The following CSF1R variants were observed in gnomAD, a reference collection of about 807,000 sequenced individuals.
CSF1R encodes the protein macrophage colony-stimulating factor 1 receptor.
Under a neutral mutation model 110.0 loss-of-function variants are expected in CSF1R, and 40 were observed. The observed-to-expected ratio is 0.36, with a 90% CI of 0.28 to 0.47. The LOEUF (loss-of-function observed/expected upper bound fraction) is 0.47. CSF1R is among the 20% of genes least tolerant of loss of function. The probability of loss-of-function intolerance (pLI) is 0.99; values close to 1 mark genes in which losing one functional copy is unlikely to be tolerated. For synonymous variants in CSF1R, 523 were observed against 503.4 expected (o/e 1.04, Z -0.52); for missense variants, 1,052 against 1,253.0 (o/e 0.84, Z 2.42).
intron 6 of CSF1R, among the ~76,000 whole-genome samples, chr5:150,072,644 A>G (rs1221296613): frequency 6.6e-6 from 1 of 152,172 alleles, no homozygotes; most frequent in African/African-American, 2.4e-5. Flanking sequence ...GACCCCAAGA[A>G]CACAGTTCAC....
In CSF1R at chr5:150,061,495, C is replaced by T. The variant is rs1442029514; in HGVS notation, c.1854G>A (p.Leu618=). ...DAVLKVAVKM[L]KSTAHADEKE... ...TCATCCCCTCCCCTCACTCACACTT[C>T]AGCATCTTCACAGCCACCTTCAGGA... The change falls in exon 12 of 21, where the codon CTG becomes CTA. Residue 618 remains leucine (L), a synonymous_variant. Coordinates refer to ENST00000675795, the MANE Select transcript of CSF1R (RefSeq NM_001288705.3). The T allele has an allele frequency of 2.3e-6, 3 of 1,325,182 alleles. No homozygotes were observed. The highest frequency in any genetic ancestry group is 1.9e-5 in the Admixed American group (1 of 52,902). The allele number at this position is 1,325,182 out of a possible 1,614,324, so 82.1% of individuals were successfully genotyped here.
rs1216805584 is a variant in CSF1R, at chr5:150,053,296, G to A, written c.*773C>T. Reference sequence around the variant, plus strand: ...TGGCACAAAGAACCAGAGGCTGACTGCATTAATGCTGTTAGTTTAATGTGG... The same window carrying A: ...TGGCACAAAGAACCAGAGGCTGACTACATTAATGCTGTTAGTTTAATGTGG... On this transcript the variant is annotated 3_prime_UTR_variant, in exon 21 of 21. Coordinates refer to ENST00000675795, the MANE Select transcript of CSF1R (RefSeq NM_001288705.3). 2 of 232,368 alleles carry A rather than the reference G, an allele frequency of 8.6e-6. No individual in the cohort carries two copies. The highest frequency in any genetic ancestry group is 1.2e-4 in the East Asian group (2 of 16,466). The allele number at this position is 232,368 out of a possible 1,614,324, so 14.4% of individuals were successfully genotyped here. A position where few individuals can be genotyped will look rare whatever the true frequency, so the allele number is the denominator to read the frequency against.
chr5:150,067,866 G>T (rs1275566922), intron 10 of CSF1R, among the ~76,000 whole-genome samples: 4 of 152,106 alleles, frequency 2.6e-5, no homozygotes, highest in Non-Finnish European at 4.4e-5. Flanking sequence ...CTTTTTGTTT[G>T]TTTTTTGAGC....
chr5:150,078,916 C>G (rs1758404433), intron 3 of CSF1R, among the ~76,000 whole-genome samples: 1 of 152,206 alleles, frequency 6.6e-6, no homozygotes, highest in Admixed American at 6.5e-5. Flanking sequence ...CACTCCCCAG[C>G]TTGGTTTCTT....
rs74410938 is a variant in CSF1R, at chr5:150,080,531, A to G, written c.308-195T>C. On this transcript the variant is annotated intron_variant, in intron 2 of 20. Transcript: ENST00000675795. ...ACCTGGGCTCCAGTCTAGTCCCACT[A>G]TGTGAGGCTGTGTGACCTTGGATAA... 3.3e-4 allele frequency among the ~76,000 whole-genome samples: 50 copies of G among 152,306 alleles called. No individual in the cohort carries two copies. In the East Asian group the frequency reaches 7.1e-3, roughly 22 times the overall value.
chr5:150,106,876 C>A (rs370191577), intron 1 of CSF1R, among the ~76,000 whole-genome samples: 1 of 152,206 alleles, frequency 6.6e-6, no homozygotes, highest in Non-Finnish European at 1.5e-5. Flanking sequence ...TATAGTCTCT[C>A]GTGGCTCCCT....
At position 150,066,584 on chromosome 5, in the gene CSF1R, C is replaced by T. The variant is rs567740593; in HGVS notation, c.1626+1631G>A. ...ACAGTGTCAGAGCTGGACCTAGATCCGGAGGTATTGACCGGGGCTGCCCTC... is the reference window on the plus strand; with the variant it reads ...ACAGTGTCAGAGCTGGACCTAGATCTGGAGGTATTGACCGGGGCTGCCCTC... On this transcript the variant is annotated intron_variant, in intron 10 of 20. Coordinates refer to ENST00000675795, the MANE Select transcript of CSF1R (RefSeq NM_001288705.3). Among the ~76,000 whole-genome samples, 38 of 152,312 alleles carry T rather than the reference C, an allele frequency of 2.5e-4. 1 individual carries two copies. The highest frequency in any genetic ancestry group is 2.2e-3 in the Admixed American group (34 of 15,306).
rs749347714 is a variant in CSF1R, at chr5:150,054,138, G to T, written c.2850C>A (p.His950Gln). Residue 950 changes from histidine to glutamine, a missense_variant, in exon 21 of 21, where the codon CAC becomes CAA. Coordinates refer to ENST00000675795, the MANE Select transcript of CSF1R (RefSeq NM_001288705.3). The stretch of plus-strand genomic sequence containing the variant: ...TATCCCCTTGCTCGCAGCAGGTCAG[G>T]TGCTCACTAGAGCTCTCCTCCTCCA... ...SELEEESSSE[H>Q]LTCCEQGDIA... The T allele has an allele frequency of 5.6e-6, 9 of 1,613,786 alleles. No individual in the cohort carries two copies. The highest frequency in any genetic ancestry group is 2.2e-5 in the East Asian group (1 of 44,888).
intron 10 of CSF1R, among the ~76,000 whole-genome samples, chr5:150,063,477 G>A (rs1178944400): frequency 6.6e-6 from 1 of 152,028 alleles, no homozygotes; most frequent in Non-Finnish European, 1.5e-5. Context: ...CTCTCAAAGT[G>A]CTGGGATTAT....
chr5:150,100,290 C>CATTTTTTT (rs1759364042), intron 1 of CSF1R, among the ~76,000 whole-genome samples: 1 of 89,348 alleles, frequency 1.1e-5, no homozygotes, highest in Non-Finnish European at 2.1e-5. Flanking sequence ...ATTGGCTAAC[C>CATTTTTTT]TTTTTTTTTT....
In CSF1R at chr5:150,073,612, C is replaced by G. The variant is rs1010202400; in HGVS notation, c.890-119G>C. ...AGCAGCTATGTCACAGGTACATAGTCCCCACCACCCAAGACAGGTCCTCTG... is the reference window on the plus strand; with the variant it reads ...AGCAGCTATGTCACAGGTACATAGTGCCCACCACCCAAGACAGGTCCTCTG... On this transcript the variant is annotated intron_variant, in intron 5 of 20. Coordinates refer to ENST00000675795, the MANE Select transcript of CSF1R (RefSeq NM_001288705.3). 8.3e-6 allele frequency: 8 copies of G among 962,482 alleles called. No individual in the cohort carries two copies. The Admixed American group carries it at 1.8e-4, about 22-fold the overall frequency. 59.6% of individuals were successfully genotyped at this position (962,482 alleles called of 1,614,324 possible). A position where few individuals can be genotyped will look rare whatever the true frequency, so the allele number is the denominator to read the frequency against.
At chr5:150,102,449 C>T (rs371856836) in intron 1 of CSF1R, among the ~76,000 whole-genome samples, 3 of 151,962 alleles carry the variant, frequency 2.0e-5, no homozygotes, top group South Asian at 4.1e-4. Flanking sequence ...ATCCTTTGTC[C>T]GTTTTTTTGT....
chr5:150,100,308 TTTTTTC>T (rs1253115481), intron 1 of CSF1R, among the ~76,000 whole-genome samples: 1 of 137,044 alleles, frequency 7.3e-6, no homozygotes, highest in Admixed American at 7.3e-5. Context: ...TTTTTTTTTT[TTTTTTC>T]TGAGACGGAG....
At chr5:150,064,657 TACC>T (rs1757681146) in intron 10 of CSF1R, among the ~76,000 whole-genome samples, 2 of 152,328 alleles carry the variant, frequency 1.3e-5, no homozygotes, top group South Asian at 2.1e-4. Flanking sequence ...TGTTTTTTCT[TACC>T]ACTTCTTGTT....
chr5:150,076,321 CCTATCTAT>C (rs59302630), intron 5 of CSF1R, among the ~76,000 whole-genome samples: 41,090 of 147,888 alleles, frequency 0.28, 5,782 homozygotes, highest in Non-Finnish European at 0.3. Context: ...CTAAGTACTT[CCTATCTAT>C]CTATCTATCT....
chr5:150,066,144 C>T (rs888785331), intron 10 of CSF1R, among the ~76,000 whole-genome samples: 14 of 152,206 alleles, frequency 9.2e-5, no homozygotes, highest in African/African-American at 3.1e-4. Context: ...ACCTCCCCCT[C>T]CTTCCACCAT....
chr5:150,091,472 T>A (rs573592864), upstream of CSF1R, among the ~76,000 whole-genome samples: 513 of 152,322 alleles, frequency 3.4e-3, no homozygotes, highest in Non-Finnish European at 5.6e-3. Context: ...ACACTGTGGA[T>A]GAACCTTGAA....
chr5:150,054,131 A>G lies in CSF1R; in HGVS notation c.2857T>C (p.Cys953Arg), dbSNP rs755380615. 14 of 1,614,002 alleles carry G rather than the reference A, an allele frequency of 8.7e-6. No homozygotes were observed. The highest frequency in any genetic ancestry group is 1.2e-5 in the Non-Finnish European group (14 of 1,179,988). The change falls in exon 21 of 21, where the codon TGC becomes CGC. Residue 953 changes from cysteine to arginine, a missense_variant. This residue lies in a region of CSF1R where 85 missense variants were observed against 78.8 expected (regional missense o/e 1.08). Transcript: ENST00000675795. ...TGGGCGATATCCCCTTGCTCGCAGC[A>G]GGTCAGGTGCTCACTAGAGCTCTCC... ...EEESSSEHLTCCEQGDIAQPL... is the reference protein window; with the variant it reads ...EEESSSEHLTRCEQGDIAQPL...
chr5:150,097,094 T>C (rs568967876), intron 1 of CSF1R, among the ~76,000 whole-genome samples: 3 of 152,100 alleles, frequency 2.0e-5, no homozygotes, highest in Non-Finnish European at 4.4e-5. Flanking sequence ...AGACCCTGTC[T>C]CTACAAAAAA....
Sources: gnomAD v4.1 joint callset for allele counts (sites outside exome capture counted in the v4.1 genomes callset) on GRCh38, gnomAD v4.1.1 for gene constraint, gnomAD v4.1.1 regional missense constraint, MANE v1.5 for transcripts, NCBI Gene and HGNC (gene_info 2026-07-23, HGNC 2026-07-21) for gene names.